Variants in DUSP11 observed in about 807,000 individuals in gnomAD.
The protein encoded by DUSP11 is dual specificity phosphatase 11, also known as RNA/RNP complex-1-interacting phosphatase.
In DUSP11, 27 loss-of-function variants were observed where a neutral mutation model predicts 41.4. The observed-to-expected ratio is 0.65, with a 90% CI of 0.48 to 0.90. DUSP11 has a LOEUF of 0.90. Among genes scored for constraint, DUSP11 ranks in the 40% least tolerant of loss-of-function variants. The pLI is 0.00. For missense variants in DUSP11, 465 were observed against 461.1 expected (o/e 1.01, Z -0.08); for synonymous variants, 188 against 159.3 (o/e 1.18, Z -1.35).
chr2:73,765,832 T>C (rs1007877954), intron 8 of DUSP11, among the ~76,000 whole-genome samples: 11 of 152,220 alleles, frequency 7.2e-5, no homozygotes, highest in African/African-American at 2.7e-4. Flanking sequence ...AGCCTAAGAA[T>C]ATAAGATCCT....
intron 1 of DUSP11, chr2:73,779,525 C>A: frequency 3.2e-6 from 1 of 309,314 alleles, no homozygotes; most frequent in South Asian, 4.1e-5. Context: ...CTAACTCAAA[C>A]CATTACACTT....
intron 3 of DUSP11, 28 bp downstream of exon 3, chr2:73,774,885 G>A (rs772724561): frequency 6.7e-7 from 1 of 1,494,390 alleles, no homozygotes; most frequent in Admixed American, 2.2e-5. Flanking sequence ...AAGGAAGAAA[G>A]TTCTTTTCAT....
At chr2:73,774,710 A>AT (rs1467265408) in intron 3 of DUSP11, among the ~76,000 whole-genome samples, 1 of 152,204 alleles carries the variant, frequency 6.6e-6, no homozygotes, top group Admixed American at 6.5e-5. Context: ...TATTAAATCT[A>AT]TTCTTTTTTA....
intron 5 of DUSP11, chr2:73,767,538 T>TTC (rs1356895164): frequency 5.3e-6 from 1 of 186,962 alleles, no homozygotes; most frequent in East Asian, 1.3e-4. Context: ...TATGACAGAG[T>TTC]ATTTATCAGA....
chr2:73,762,659 T>G (rs977406554), exon 9 of DUSP11: 1 of 1,609,260 alleles, frequency 6.2e-7, no homozygotes, highest in South Asian at 1.1e-5. Flanking sequence ...GACAGGTTTG[T>G]ATCACTGGGT....
At chr2:73,768,416 G>A (rs1672511867) in intron 5 of DUSP11, 1 of 977,052 alleles carries the variant, frequency 1.0e-6, no homozygotes. Flanking sequence ...CATAATAGAT[G>A]CTCAGGAGAT....
chr2:73,773,973 T>A (rs375909393), intron 3 of DUSP11, 50 bp from the exon 4 acceptor site: 1 of 1,445,024 alleles, frequency 6.9e-7, no homozygotes, highest in South Asian at 1.4e-5. Flanking sequence ...TGTAGAGAAA[T>A]AATTAAAGAG....
intron 4 of DUSP11, among the ~76,000 whole-genome samples, chr2:73,771,087 T>C (rs2103937918): frequency 6.6e-6 from 1 of 152,350 alleles, no homozygotes; most frequent in South Asian, 2.1e-4. Flanking sequence ...CCCTTTATCA[T>C]GTTTTGTTAT....
At chr2:73,766,750 A>G in intron 7 of DUSP11, 78 bp downstream of exon 7, 2 of 1,383,758 alleles carry the variant, frequency 1.4e-6, no homozygotes, top group Non-Finnish European at 2.0e-6. Flanking sequence ...TACCAGAAGA[A>G]TGAACATATG....
intron 6 of DUSP11, 115 bp from the exon 7 acceptor site, chr2:73,767,018 C>T (rs139965270): frequency 2.9e-5 from 35 of 1,204,596 alleles, no homozygotes; most frequent in African/African-American, 2.7e-4. Context: ...CTTCCACATA[C>T]ATCTATAGAC....
At chr2:73,775,835 CAG>C (rs1317656487) in intron 2 of DUSP11, among the ~76,000 whole-genome samples, 1 of 113,818 alleles carries the variant, frequency 8.8e-6, no homozygotes, top group Non-Finnish European at 1.7e-5. Flanking sequence ...GCCTGGGTGA[CAG>C]AGTGACTCCA....
intron 4 of DUSP11, among the ~76,000 whole-genome samples, chr2:73,770,606 GA>G (rs1672555533): frequency 6.6e-6 from 1 of 152,028 alleles, no homozygotes; most frequent in Admixed American, 6.5e-5. Flanking sequence ...TATCTCAACT[GA>G]TCCTCCATAT....
chr2:73,775,656 C>A (rs565985614), intron 2 of DUSP11, among the ~76,000 whole-genome samples: 10 of 150,710 alleles, frequency 6.6e-5, no homozygotes, highest in Admixed American at 6.6e-4. Context: ...GAGATCGAGA[C>A]CATCCTGGCT....
intron 8 of DUSP11, among the ~76,000 whole-genome samples, chr2:73,764,183 G>A (rs1672415191): frequency 1.3e-5 from 2 of 152,134 alleles, no homozygotes; most frequent in African/African-American, 4.8e-5. Context: ...GTATTTTTAT[G>A]GCTCTTGAAA....
intron 4 of DUSP11, among the ~76,000 whole-genome samples, chr2:73,770,693 A>C (rs968261524): frequency 6.6e-6 from 1 of 152,182 alleles, no homozygotes. Flanking sequence ...GCATAGCATG[A>C]AGCCCAAATT....
At chr2:73,772,532 C>A (rs1672603807) in intron 4 of DUSP11, among the ~76,000 whole-genome samples, 1 of 152,146 alleles carries the variant, frequency 6.6e-6, no homozygotes, top group African/African-American at 2.4e-5. Context: ...AAAATGTGTT[C>A]TCATGTATTC....
At chr2:73,777,843 T>C (rs1291793425) in intron 2 of DUSP11, among the ~76,000 whole-genome samples, 1 of 152,202 alleles carries the variant, frequency 6.6e-6, no homozygotes, top group East Asian at 1.9e-4. Context: ...AATACTAATA[T>C]ATATTGAATT....
intron 4 of DUSP11, among the ~76,000 whole-genome samples, chr2:73,772,558 C>A (rs1051609383): frequency 2.6e-5 from 4 of 152,156 alleles, no homozygotes; most frequent in African/African-American, 9.7e-5. Flanking sequence ...GACCTCCTAG[C>A]CCTCACAGAA....
chr2:73,778,555 T>C (rs1558536060), intron 1 of DUSP11, among the ~76,000 whole-genome samples, 179 bp from the exon 2 acceptor site: 1 of 152,100 alleles, frequency 6.6e-6, no homozygotes, highest in Non-Finnish European at 1.5e-5. Context: ...CGTCCTTCTC[T>C]CCTGTTTCCC....
Sources: allele counts gnomAD v4.1 joint callset (sites outside exome capture counted in the v4.1 genomes callset), GRCh38; gene constraint gnomAD v4.1.1; transcripts MANE v1.5; gene names NCBI Gene and HGNC (gene_info 2026-07-23, HGNC 2026-07-21).